Variants in CTBP2 observed in about 807,000 individuals in gnomAD.
CTBP2 encodes the protein C-terminal-binding protein 2.
In CTBP2, 30 loss-of-function variants were observed where a neutral mutation model predicts 80.3. The ratio of observed to expected loss-of-function variants is 0.37; its 90% CI spans 0.28 to 0.51. CTBP2 has a LOEUF of 0.51. Among genes scored for constraint, CTBP2 ranks in the 20% least tolerant of loss-of-function variants. The probability of loss-of-function intolerance (pLI) is 0.93; values close to 1 mark genes in which losing one functional copy is unlikely to be tolerated. For missense variants in CTBP2, 1,212 were observed against 1,375.3 expected (o/e 0.88, Z 1.88); for synonymous variants, 594 against 587.4 (o/e 1.01, Z -0.16).
chr10:125,020,827 G>A (rs759582491), intron 1 of CTBP2, among the ~76,000 whole-genome samples: 3 of 152,216 alleles, frequency 2.0e-5, no homozygotes, highest in Non-Finnish European at 4.4e-5. Flanking sequence ...CCACCCACCA[G>A]TGTGGAGGGG....
intron 1 of CTBP2, among the ~76,000 whole-genome samples, chr10:125,017,100 C>T (rs572609887): frequency 1.2e-4 from 18 of 152,168 alleles, no homozygotes; most frequent in East Asian, 1.9e-4. Context: ...GTAGGAACCC[C>T]GGGGGAAGTC....
At chr10:124,992,332 T>TCAAGCACCTCTCCCACCTC (rs1554948047) in intron 8 of CTBP2, among the ~76,000 whole-genome samples, 2 of 150,966 alleles carry the variant, frequency 1.3e-5, no homozygotes, top group Non-Finnish European at 2.9e-5. Context: ...CCTCCCAGCT[T>TCAAGCACCTCTCCCACCTC]CAAGCACCTC....
At chr10:125,061,063 G>A (rs954830162) in intron 2 of CTBP2, among the ~76,000 whole-genome samples, 7 of 152,170 alleles carry the variant, frequency 4.6e-5, no homozygotes, top group African/African-American at 1.2e-4. Flanking sequence ...GGATTCCTGC[G>A]GTGGCAAACA....
At chr10:125,042,394 G>A (rs933085884) in intron 2 of CTBP2, among the ~76,000 whole-genome samples, 23 of 152,180 alleles carry the variant, frequency 1.5e-4, no homozygotes, top group Non-Finnish European at 2.9e-5. Context: ...GGTGATGCCT[G>A]CTATGAAAAC....
At chr10:125,065,521 T>C (rs1217034314) in intron 2 of CTBP2, among the ~76,000 whole-genome samples, 2 of 152,064 alleles carry the variant, frequency 1.3e-5, no homozygotes, top group Non-Finnish European at 2.9e-5. Context: ...GGCTAACAAA[T>C]GCCAGTATCA....
intron 2 of CTBP2, among the ~76,000 whole-genome samples, chr10:125,082,205 C>T (rs12569897): frequency 0.076 from 11,621 of 152,294 alleles, 787 homozygotes; most frequent in East Asian, 0.3. Context: ...CTCTGCAGGC[C>T]GGCTCCGGGA....
intron 1 of CTBP2, among the ~76,000 whole-genome samples, chr10:125,144,766 T>G (rs1334044018): frequency 6.6e-6 from 1 of 152,242 alleles, no homozygotes; most frequent in Admixed American, 6.5e-5. Flanking sequence ...GGCATCCATC[T>G]TTGACTTGTG....
intron 1 of CTBP2, among the ~76,000 whole-genome samples, chr10:125,125,960 G>C (rs943769469): frequency 6.6e-6 from 1 of 152,250 alleles, no homozygotes. Flanking sequence ...AAGTGTCAGG[G>C]CTGAGCATTC....
intron 1 of CTBP2, among the ~76,000 whole-genome samples, chr10:125,015,897 G>C (rs1356707086): frequency 6.6e-6 from 1 of 152,226 alleles, no homozygotes; most frequent in East Asian, 1.9e-4. Flanking sequence ...AGCGTGTCCA[G>C]TGTGGACACA....
intron 1 of CTBP2, among the ~76,000 whole-genome samples, chr10:125,011,044 T>TC (rs1266564982): frequency 6.6e-6 from 1 of 152,094 alleles, no homozygotes; most frequent in South Asian, 2.1e-4. Context: ...TCCCTCAAGT[T>TC]CCCCCTGCTT....
intron 2 of CTBP2, among the ~76,000 whole-genome samples, chr10:125,050,458 G>A (rs1270139053): frequency 6.6e-6 from 1 of 152,218 alleles, no homozygotes; most frequent in Non-Finnish European, 1.5e-5. Flanking sequence ...AGACGGCTAC[G>A]TAACGGAAAC....
chr10:125,135,064 G>A (rs765436157), intron 1 of CTBP2, among the ~76,000 whole-genome samples: 24 of 152,214 alleles, frequency 1.6e-4, no homozygotes, highest in South Asian at 4.2e-4. Context: ...GCCTTGGTGC[G>A]CCCCCACTCG....
At chr10:125,044,908 G>A (rs1405358626) in intron 2 of CTBP2, among the ~76,000 whole-genome samples, 1 of 152,154 alleles carries the variant, frequency 6.6e-6, no homozygotes, top group Non-Finnish European at 1.5e-5. Context: ...TACTAAAACT[G>A]TACTTTAAAG....
At chr10:125,012,266 A>G (rs1461261629) in intron 1 of CTBP2, among the ~76,000 whole-genome samples, 4 of 152,186 alleles carry the variant, frequency 2.6e-5, no homozygotes, top group East Asian at 1.9e-4. Flanking sequence ...AGCAACATCC[A>G]AGCCTGAGGA....
intron 2 of CTBP2, among the ~76,000 whole-genome samples, chr10:125,045,214 C>T (rs998865035): frequency 2.0e-5 from 3 of 152,226 alleles, no homozygotes; most frequent in African/African-American, 7.2e-5. Context: ...CTACAGCCAG[C>T]AAGCAGGCCC....
chr10:125,114,332 C>A (rs899632520), intron 1 of CTBP2, among the ~76,000 whole-genome samples: 2 of 152,082 alleles, frequency 1.3e-5, no homozygotes, highest in African/African-American at 4.8e-5. Context: ...CATCCCGCGG[C>A]AAATGTGATC....
intron 3 of CTBP2, among the ~76,000 whole-genome samples, chr10:125,001,661 G>C (rs1954525390): frequency 6.6e-6 from 1 of 152,144 alleles, no homozygotes; most frequent in Admixed American, 6.5e-5. Flanking sequence ...CTGGCCTTTT[G>C]CTTTGGGATT....
intron 1 of CTBP2, among the ~76,000 whole-genome samples, chr10:125,006,297 G>A (rs1328801773): frequency 2.6e-5 from 4 of 151,952 alleles, no homozygotes; most frequent in Non-Finnish European, 4.4e-5. Context: ...CGGGCACGAC[G>A]GCTGGAGGTG....
chr10:125,113,815 G>A (rs563338683), intron 1 of CTBP2, among the ~76,000 whole-genome samples: 4 of 152,278 alleles, frequency 2.6e-5, no homozygotes, highest in African/African-American at 7.2e-5. Flanking sequence ...CACAGAGGAG[G>A]TGACATTTCG....
Sources: allele counts gnomAD v4.1 joint callset (sites outside exome capture counted in the v4.1 genomes callset), GRCh38; gene constraint gnomAD v4.1.1; transcripts MANE v1.5; gene names NCBI Gene and HGNC (gene_info 2026-07-23, HGNC 2026-07-21).